The following ASIC2 variants were observed in gnomAD, a reference collection of about 807,000 sequenced individuals.
The protein encoded by ASIC2 is acid sensing ion channel subunit 2.
ASIC2 carries 25 observed loss-of-function variants against 57.3 expected under a neutral mutation model. The observed-to-expected ratio is 0.44, with a 90% CI of 0.32 to 0.61. The LOEUF is 0.61. ASIC2 is among the 20% of genes least tolerant of loss of function. ASIC2 has a pLI of 0.06. For synonymous variants in ASIC2, 319 were observed against 307.5 expected (o/e 1.04, Z -0.39); for missense variants, 641 against 738.1 (o/e 0.87, Z 1.52).
chr17:34,060,068 G>A (rs573431815), intron 1 of ASIC2, among the ~76,000 whole-genome samples: 1 of 152,190 alleles, frequency 6.6e-6, no homozygotes, highest in African/African-American at 2.4e-5. Flanking sequence ...AACCACCAAA[G>A]CTAAGGAGTC....
chr17:33,982,006 G>T (rs1308805093), intron 1 of ASIC2, among the ~76,000 whole-genome samples: 1 of 152,186 alleles, frequency 6.6e-6, no homozygotes, highest in African/African-American at 2.4e-5. Context: ...GCAGTTGTGG[G>T]CTAGAGTATT....
At chr17:33,200,134 T>C (rs1323629871) in intron 1 of ASIC2, among the ~76,000 whole-genome samples, 1 of 152,186 alleles carries the variant, frequency 6.6e-6, no homozygotes, top group Non-Finnish European at 1.5e-5. Flanking sequence ...ACTTCAGTGT[T>C]AGCTTTCTCT....
At chr17:33,362,955 G>C (rs1908667901) in intron 1 of ASIC2, among the ~76,000 whole-genome samples, 1 of 152,232 alleles carries the variant, frequency 6.6e-6, no homozygotes, top group African/African-American at 2.4e-5. Context: ...AACTATATGT[G>C]TGTAAATTGA....
At chr17:33,799,477 T>A (rs1309185998) in intron 1 of ASIC2, among the ~76,000 whole-genome samples, 1 of 140,836 alleles carries the variant, frequency 7.1e-6, no homozygotes, top group Non-Finnish European at 1.5e-5. Flanking sequence ...TTTCTTTCTT[T>A]CCTTCTTTCT....
At chr17:33,547,937 G>A (rs1478940717) in intron 1 of ASIC2, among the ~76,000 whole-genome samples, 1 of 152,158 alleles carries the variant, frequency 6.6e-6, no homozygotes, top group Non-Finnish European at 1.5e-5. Context: ...CAGGACAAGA[G>A]GAATGACAGA....
At chr17:33,640,560 A>G (rs9912885) in intron 1 of ASIC2, among the ~76,000 whole-genome samples, 93 of 152,328 alleles carry the variant, frequency 6.1e-4, no homozygotes, top group African/African-American at 1.9e-3. Context: ...ACTCAAACTA[A>G]GTTGGCACAG....
chr17:33,189,767 A>G (rs1192568614), intron 1 of ASIC2, among the ~76,000 whole-genome samples: 2 of 152,224 alleles, frequency 1.3e-5, no homozygotes, highest in Admixed American at 1.3e-4. Flanking sequence ...ATAAACCTGT[A>G]TACCCTTAAC....
intron 1 of ASIC2, among the ~76,000 whole-genome samples, chr17:33,446,116 C>A (rs764760408): frequency 5.3e-5 from 8 of 151,816 alleles, no homozygotes; most frequent in Admixed American, 4.6e-4. Context: ...ATGGATGGGA[C>A]GAGGGAACTC....
chr17:33,535,747 G>C (rs1056699833), intron 1 of ASIC2, among the ~76,000 whole-genome samples: 3 of 152,178 alleles, frequency 2.0e-5, no homozygotes, highest in Admixed American at 1.3e-4. Flanking sequence ...AACAAAGAAA[G>C]ATAAAATTGA....
At chr17:33,621,431 G>A (rs751085046) in intron 1 of ASIC2, among the ~76,000 whole-genome samples, 15 of 152,196 alleles carry the variant, frequency 9.9e-5, no homozygotes, top group Non-Finnish European at 1.8e-4. Context: ...GTAAGGAGTC[G>A]CAGATGTGTA....
chr17:34,024,335 T>TC (rs1361246337), intron 1 of ASIC2, among the ~76,000 whole-genome samples: 8 of 152,280 alleles, frequency 5.3e-5, no homozygotes, highest in East Asian at 3.9e-4. Flanking sequence ...TAATTTCAGA[T>TC]CCCCCAACAC....
At chr17:33,987,665 C>CCAAT (rs200236026) in intron 1 of ASIC2, among the ~76,000 whole-genome samples, 1,970 of 152,194 alleles carry the variant, frequency 0.013, 46 homozygotes, top group African/African-American at 0.045. Flanking sequence ...AACCAACCAA[C>CCAAT]CAACCAACCA....
intron 1 of ASIC2, among the ~76,000 whole-genome samples, chr17:33,732,194 G>C (rs1909762786): frequency 6.6e-6 from 1 of 152,186 alleles, no homozygotes; most frequent in African/African-American, 2.4e-5. Context: ...TTAATTATAA[G>C]ATCAAAAGTG....
chr17:33,621,673 T>C (rs1243702439), intron 1 of ASIC2, among the ~76,000 whole-genome samples: 2 of 152,222 alleles, frequency 1.3e-5, no homozygotes, highest in African/African-American at 2.4e-5. Context: ...AATCAGGACC[T>C]GTCTTCTTTC....
chr17:33,380,245 C>CAAAAAAAAAAAAAAAAAAAAAAA (rs10586872), intron 1 of ASIC2, among the ~76,000 whole-genome samples: 14 of 71,060 alleles, frequency 2.0e-4, no homozygotes, highest in East Asian at 4.7e-4. Flanking sequence ...AACCCTGTCT[C>CAAAAAAAAAAAAAAAAAAAAAAA]AAAAAAAAAA....
chr17:33,507,641 C>G (rs1002019921), intron 1 of ASIC2, among the ~76,000 whole-genome samples: 1 of 152,022 alleles, frequency 6.6e-6, no homozygotes, highest in African/African-American at 2.4e-5. Context: ...TGGTGGCTCA[C>G]GCCTGTAATA....
rs1353191340 is a variant in ASIC2, at chr17:33,292,383, G to C, written c.-268C>G. 1.0e-6 allele frequency: 1 copy of C among 985,720 alleles called. No homozygotes were observed. Among genetic ancestry groups the C allele is most frequent in the Non-Finnish European group, 1.2e-6 (1 of 830,520 alleles). 61.1% of individuals were successfully genotyped at this position (985,720 alleles called of 1,614,324 possible). On this transcript the variant is annotated 5_prime_UTR_variant, in exon 1 of 10. Transcript: ENST00000225823. Reference sequence around the variant, plus strand: ...TCCCGAGCGCCTCCCAGGCTTTCCCGGCCCCTGGTCTTCCTGGAGGATGCC... The same window carrying C: ...TCCCGAGCGCCTCCCAGGCTTTCCCCGCCCCTGGTCTTCCTGGAGGATGCC...
chr17:33,699,199 A>G (rs1567692262), intron 1 of ASIC2, among the ~76,000 whole-genome samples: 1 of 152,152 alleles, frequency 6.6e-6, no homozygotes, highest in African/African-American at 2.4e-5. Flanking sequence ...AGTCATGTGG[A>G]GAAGACATGT....
At chr17:33,164,157 T>C (rs760138774) in intron 1 of ASIC2, among the ~76,000 whole-genome samples, 2 of 152,234 alleles carry the variant, frequency 1.3e-5, no homozygotes, top group Admixed American at 6.5e-5. Context: ...CTTCTTGCCC[T>C]ACCTGGGGCT....
Sources: gnomAD v4.1 joint callset for allele counts (sites outside exome capture counted in the v4.1 genomes callset) on GRCh38, gnomAD v4.1.1 for gene constraint, MANE v1.5 for transcripts, NCBI Gene and HGNC (gene_info 2026-07-23, HGNC 2026-07-21) for gene names.